PLA2G4E: variants seen among roughly 807,000 people sequenced by gnomAD.
The protein encoded by PLA2G4E is phospholipase A2 group IVE.
A neutral mutation model predicts 109.1 loss-of-function variants in PLA2G4E; 84 were observed. The observed-to-expected ratio is 0.77, with a 90% confidence interval of 0.65 to 0.92. The LOEUF (loss-of-function observed/expected upper bound fraction) is 0.92. Ranked by LOEUF, PLA2G4E falls within the 40% of genes least tolerant of loss-of-function variation. The pLI is 0.00. For synonymous variants in PLA2G4E, 469 were observed against 436.1 expected (o/e 1.08, Z -0.94); for missense variants, 1,057 against 1,076.6 (o/e 0.98, Z 0.25).
chr15:41,997,004 C>T (rs2068352855), intron 11 of PLA2G4E, 120 bp downstream of exon 11: 1 of 1,310,618 alleles, frequency 7.6e-7, no homozygotes, highest in Non-Finnish European at 1.0e-6. Flanking sequence ...GCCTGTACCT[C>T]AGCAGTAAAA....
intron 1 of PLA2G4E, among the ~76,000 whole-genome samples, chr15:42,017,120 G>T (rs150293931): frequency 6.6e-6 from 1 of 152,346 alleles, no homozygotes; most frequent in East Asian, 1.9e-4. Context: ...GCCCAGGCAG[G>T]AGTCCGTCCT....
At chr15:41,999,442 A>C (rs2068389305) in intron 10 of PLA2G4E, 82 bp downstream of exon 10, 2 of 1,056,210 alleles carry the variant, frequency 1.9e-6, no homozygotes, top group African/African-American at 3.1e-5. Flanking sequence ...GGGGAAATGC[A>C]AATCAAAACC....
At chr15:42,036,560 A>C (rs1251571501) in intron 1 of PLA2G4E, among the ~76,000 whole-genome samples, 1 of 151,980 alleles carries the variant, frequency 6.6e-6, no homozygotes, top group Non-Finnish European at 1.5e-5. Context: ...TCCACCCTGC[A>C]TCTGGGTGAC....
At chr15:42,003,253 C>T (rs1263383026) in intron 5 of PLA2G4E, among the ~76,000 whole-genome samples, 2 of 152,172 alleles carry the variant, frequency 1.3e-5, no homozygotes, top group East Asian at 3.8e-4. Flanking sequence ...ACTGTGTCTC[C>T]AGATCAACTT....
At chr15:42,034,164 A>C (rs2665207) in intron 1 of PLA2G4E, among the ~76,000 whole-genome samples, 129,932 of 152,206 alleles carry the variant, frequency 0.85, 55,825 homozygotes, top group South Asian at 0.95. Context: ...CTGGGACTCA[A>C]GACTTTTAGT....
At chr15:42,029,691 G>T (rs116751961) in intron 1 of PLA2G4E, among the ~76,000 whole-genome samples, 1 of 152,166 alleles carries the variant, frequency 6.6e-6, no homozygotes, top group Non-Finnish European at 1.5e-5. Context: ...ATGGACTTGG[G>T]TAAGTTTATC....
At chr15:42,041,564 A>G (rs1222927337) in intron 1 of PLA2G4E, among the ~76,000 whole-genome samples, 1 of 152,150 alleles carries the variant, frequency 6.6e-6, no homozygotes, top group Non-Finnish European at 1.5e-5. Flanking sequence ...TGATGAACTA[A>G]AGAGACCTCC....
chr15:42,001,743 G>C (rs1758395018), intron 6 of PLA2G4E, among the ~76,000 whole-genome samples: 1 of 152,196 alleles, frequency 6.6e-6, no homozygotes. Flanking sequence ...CCAGGCTGGA[G>C]TGCAGTGTCA....
At chr15:42,033,394 G>C (rs1338726938) in intron 1 of PLA2G4E, among the ~76,000 whole-genome samples, 1 of 152,176 alleles carries the variant, frequency 6.6e-6, no homozygotes, top group African/African-American at 2.4e-5. Context: ...TTTAAGGTTT[G>C]AGTTAAAGAA....
chr15:42,029,137 A>G (rs914413696), intron 1 of PLA2G4E, among the ~76,000 whole-genome samples: 3 of 152,014 alleles, frequency 2.0e-5, no homozygotes, highest in Admixed American at 6.6e-5. Flanking sequence ...TGTTGCCCAG[A>G]CTGGAGTGCA....
intron 1 of PLA2G4E, among the ~76,000 whole-genome samples, chr15:42,047,394 C>G (rs1228894471): frequency 1.3e-5 from 2 of 152,174 alleles, no homozygotes; most frequent in Non-Finnish European, 2.9e-5. Flanking sequence ...CAAGAGAGCA[C>G]AAGAGAGAGC....
rs373861174 is a variant in PLA2G4E, at chr15:41,985,962, C to T, written c.2079G>A (p.Ala693=). Residue 693 remains alanine, a synonymous_variant, in exon 18 of 20, where the codon GCG becomes GCA. Transcript: ENST00000399518. ...CAGTGTCCAGCAGGCACAGGTGGTT[C>T]GCGGACTCGGTCAGCTGGTTTGGGA... The T allele has an allele frequency of 8.7e-6, 14 of 1,603,630 alleles. No homozygotes were observed. The African/African-American group carries it at 9.4e-5, about 11-fold the overall frequency.
intron 1 of PLA2G4E, among the ~76,000 whole-genome samples, chr15:42,019,173 T>C (rs1026179860): frequency 6.6e-6 from 1 of 152,194 alleles, no homozygotes; most frequent in Admixed American, 6.5e-5. Flanking sequence ...TCACTATGAA[T>C]GTACAGCACC....
At chr15:42,046,683 G>C (rs1889422094) in intron 1 of PLA2G4E, among the ~76,000 whole-genome samples, 1 of 152,194 alleles carries the variant, frequency 6.6e-6, no homozygotes, top group Non-Finnish European at 1.5e-5. Flanking sequence ...GACCTGCTCA[G>C]TGCTCTCTCT....
intron 12 of PLA2G4E, among the ~76,000 whole-genome samples, chr15:41,994,303 C>G (rs200362183): frequency 1.3e-5 from 2 of 151,944 alleles, no homozygotes; most frequent in African/African-American, 2.4e-5. Context: ...CTCTGCCCCC[C>G]GGGGGGGTGT....
exon 19 of PLA2G4E, chr15:41,984,505 C>T (rs982023040): frequency 6.2e-7 from 1 of 1,613,956 alleles, no homozygotes; most frequent in African/African-American, 1.3e-5. Context: ...GCATCGGGTT[C>T]CTGGGGGTTC....
chr15:42,013,735 A>T lies in PLA2G4E; in HGVS notation c.206T>A (p.Leu69Gln), dbSNP rs1355320529. 9.7e-6 allele frequency: 15 copies of T among 1,550,652 alleles called. No homozygotes were observed. In the East Asian group the frequency reaches 3.2e-4, roughly 33 times the overall value. Residue 69 changes from leucine to glutamine, a missense_variant, in exon 2 of 20, where the codon CTG becomes CAG. Transcript: ENST00000399518. The stretch of plus-strand genomic sequence containing the variant: ...CATCCGGATGACCCTCACTGTCAAC[A>T]GGTGGCATGGAGACAGCCCCTCCTG...
At chr15:42,015,060 C>T (rs1407710677) in intron 1 of PLA2G4E, among the ~76,000 whole-genome samples, 1 of 152,146 alleles carries the variant, frequency 6.6e-6, no homozygotes. Context: ...CTGCCATCAT[C>T]TCAAGCCCAG....
chr15:42,011,598 C>A (rs1048186914), intron 2 of PLA2G4E, among the ~76,000 whole-genome samples: 12 of 152,020 alleles, frequency 7.9e-5, no homozygotes, highest in Admixed American at 6.6e-4. Context: ...GGTGTGGTGG[C>A]CCATGCCTGT....
Sources: allele counts gnomAD v4.1 joint callset (sites outside exome capture counted in the v4.1 genomes callset), GRCh38; gene constraint gnomAD v4.1.1; transcripts MANE v1.5; gene names NCBI Gene and HGNC (gene_info 2026-07-23, HGNC 2026-07-21).